Variants in TPO observed in about 807,000 individuals in gnomAD.
TPO encodes thyroid peroxidase, also known as thyroid microsomal antigen.
TPO carries 78 observed loss-of-function variants against 96.9 expected under a neutral mutation model. That is an observed-to-expected ratio of 0.81 (90% CI 0.67 to 0.97). TPO has a LOEUF of 0.97. Among genes scored for constraint, TPO ranks in the 50% least tolerant of loss-of-function variants. TPO has a pLI of 0.00. For missense variants in TPO, 1,252 were observed against 1,274.8 expected, an observed-to-expected ratio of 0.98 and a Z score of 0.27; for synonymous variants, 547 against 538.0, an observed-to-expected ratio of 1.02 and a Z score of -0.23.
chr2:1,412,286 G>A (rs562195692), upstream of TPO, among the ~76,000 whole-genome samples: 117 of 152,324 alleles, frequency 7.7e-4, no homozygotes, highest in Non-Finnish European at 2.2e-4. Context: ...AATCCTCAGA[G>A]GCTCTGTGCT....
At chr2:1,524,666 A>C (rs1573544857) in intron 15 of TPO, among the ~76,000 whole-genome samples, 6 of 65,506 alleles carry the variant, frequency 9.2e-5, no homozygotes, top group African/African-American at 2.5e-4. Flanking sequence ...AAATCCCCCC[A>C]CTGTGGGCAA....
Position 1,456,243 on chromosome 2 carries a change from G to C in TPO, c.780G>C (p.Gln260His), listed in dbSNP as rs376568102. The C allele has an allele frequency of 4.3e-6, 7 of 1,614,028 alleles. No homozygotes were observed. The African/African-American group carries it at 8.0e-5, about 18-fold the overall frequency. ...CCTTCGGGGGAGGGGCTGACTGCCA[G>C]ATGACTTGTGAGAACCAAAACCCAT... is the stretch of plus-strand genomic sequence containing the variant. ...KAAFGGGADC[Q>H]MTCENQNPCF... Residue 260 changes from glutamine (Q) to histidine (H), a missense_variant, in exon 7 of 17, where the codon CAG (glutamine) becomes CAC (histidine). Gln to His is a conservative substitution (Grantham distance 24). Transcript: ENST00000329066.
At chr2:1,530,889 C>T (rs1472873726) in intron 15 of TPO, among the ~76,000 whole-genome samples, 6 of 111,776 alleles carry the variant, frequency 5.4e-5, no homozygotes, top group Admixed American at 9.3e-5. Flanking sequence ...AATCCCCCCA[C>T]TGTGTGCAAC....
rs78399090 is a variant in TPO, at chr2:1,404,710, G to C, written n.180+30308G>C. ...AACTGTGAAGAAACAAATGTCCGTG[G>C]TTTAAACCACCCAGTCTGTGGTACT... On this transcript the variant is annotated intron_variant and non_coding_transcript_variant, in intron 1 of 5. Transcript: ENST00000497517. Among the ~76,000 whole-genome samples, 1,148 of 152,222 alleles carry C rather than the reference G, an allele frequency of 7.5e-3. 13 individuals are homozygous for C. Among genetic ancestry groups the C allele is most frequent in the African/African-American group, 0.025 (1,052 of 41,516 alleles).
intron 4 of TPO, 36 bp downstream of exon 4, chr2:1,433,643 A>G: frequency 6.2e-7 from 1 of 1,602,248 alleles, no homozygotes; most frequent in Non-Finnish European, 8.5e-7. Flanking sequence ...AGGAGCGGCA[A>G]CTCCCGAAGG....
intron 15 of TPO, among the ~76,000 whole-genome samples, chr2:1,527,954 C>A (rs572646675): frequency 7.9e-4 from 110 of 139,764 alleles, no homozygotes; most frequent in Non-Finnish European, 1.4e-3. Context: ...CTGCGTGCAA[C>A]CTCCTCAAAT....
chr2:1,446,112 C>T (rs533643038), intron 5 of TPO, among the ~76,000 whole-genome samples: 7 of 152,288 alleles, frequency 4.6e-5, no homozygotes, highest in East Asian at 3.9e-4. Context: ...CCTGCACCCC[C>T]AGATGAGAAG....
intron 15 of TPO, among the ~76,000 whole-genome samples, chr2:1,522,095 C>T (rs1024943171): frequency 2.0e-5 from 3 of 151,700 alleles, no homozygotes; most frequent in Non-Finnish European, 4.4e-5. Context: ...GCCCTGCCAC[C>T]GTGCCCTGGC....
intron 15 of TPO, among the ~76,000 whole-genome samples, chr2:1,525,028 CCAACTCTGTGCAACCTCCCCCT>C (rs1411323681): frequency 1.0e-5 from 1 of 98,134 alleles, no homozygotes; most frequent in African/African-American, 3.8e-5. Context: ...GCCAAATCCC[CCAACTCTGTGCAACCTCCCCCT>C]ATCCCTCCCA....
intron 15 of TPO, among the ~76,000 whole-genome samples, chr2:1,532,946 C>T (rs1408828957): frequency 2.5e-5 from 3 of 120,228 alleles, no homozygotes; most frequent in Non-Finnish European, 5.0e-5. Flanking sequence ...TATGTGCAAC[C>T]TCCTCAAATC....
intron 7 of TPO, among the ~76,000 whole-genome samples, chr2:1,462,011 C>T (rs1293698037): frequency 1.3e-5 from 2 of 152,174 alleles, no homozygotes; most frequent in Admixed American, 1.3e-4. Flanking sequence ...TCTCCAGTGT[C>T]CTCCTTTCTT....
intron 7 of TPO, among the ~76,000 whole-genome samples, chr2:1,472,010 T>A (rs1409936877): frequency 1.3e-5 from 2 of 151,678 alleles, no homozygotes; most frequent in African/African-American, 4.8e-5. Flanking sequence ...ATCTGAATGT[T>A]CATAGCATAC....
chr2:1,466,055 G>C (rs1668864216), intron 7 of TPO, among the ~76,000 whole-genome samples: 1 of 152,138 alleles, frequency 6.6e-6, no homozygotes, highest in African/African-American at 2.4e-5. Context: ...TTAATACATT[G>C]AGCTATTTCC....
intron 1 of TPO, among the ~76,000 whole-genome samples, chr2:1,397,434 C>T (rs570684055): frequency 6.6e-6 from 1 of 152,200 alleles, no homozygotes; most frequent in Non-Finnish European, 1.5e-5. Context: ...GAGGAAGATA[C>T]ACCATTCCCT....
At chr2:1,527,867 C>CCTCAAATCCCCCCAATGTGAGG in intron 15 of TPO, among the ~76,000 whole-genome samples, 1 of 41,116 alleles carries the variant, frequency 2.4e-5, no homozygotes, top group South Asian at 1.2e-3. Context: ...CCACTGTGTT[C>CCTCAAATCCCCCCAATGTGAGG]AACCTCCTCA....
At chr2:1,412,515 G>C (rs980200697), upstream of TPO, among the ~76,000 whole-genome samples, 1 of 152,152 alleles carries the variant, frequency 6.6e-6, no homozygotes, top group African/African-American at 2.4e-5. Context: ...TGAGTGATGA[G>C]GATTGAGGGG....
At chr2:1,456,305 A>G (rs369854535) in intron 7 of TPO, 23 bp downstream of exon 7, 6 of 1,611,246 alleles carry the variant, frequency 3.7e-6, no homozygotes, top group East Asian at 2.2e-5. Context: ...AAACGTTTCT[A>G]TGTTTGTTAT....
intron 15 of TPO, among the ~76,000 whole-genome samples, chr2:1,528,619 C>A (rs1677189981): frequency 6.9e-6 from 1 of 145,898 alleles, no homozygotes; most frequent in Admixed American, 6.7e-5. Context: ...TCTGTGAAAC[C>A]TCCCCAAATC....
intron 15 of TPO, among the ~76,000 whole-genome samples, chr2:1,524,137 CTGTGCAACCTCCCAAAATCCCCCAAACTG>C (rs1675854773): frequency 1.6e-5 from 2 of 128,136 alleles, no homozygotes; most frequent in Non-Finnish European, 3.3e-5. Context: ...ACCCCCAACT[CTGTGCAACCTCCCAAAATCCCCCAAACTG>C]TGTGCAACCT....
Sources: allele counts gnomAD v4.1 joint callset (sites outside exome capture counted in the v4.1 genomes callset), GRCh38; gene constraint gnomAD v4.1.1; transcripts MANE v1.5; gene names NCBI Gene and HGNC (gene_info 2026-07-23, HGNC 2026-07-21).